ST6GALNAC5: variants seen among roughly 807,000 people sequenced by gnomAD.
The protein encoded by ST6GALNAC5 is ST6 N-acetylgalactosaminide alpha-2,6-sialyltransferase 5.
ST6GALNAC5 carries 27 observed loss-of-function variants against 33.6 expected under a neutral mutation model. The ratio of observed to expected loss-of-function variants is 0.80; its 90% confidence interval spans 0.59 to 1.11. ST6GALNAC5 has a LOEUF of 1.11. Among genes scored for constraint, ST6GALNAC5 ranks in the 50% least tolerant of loss-of-function variants. The probability of loss-of-function intolerance (pLI) is 0.00; values close to 1 mark genes in which losing one functional copy is unlikely to be tolerated. For missense variants in ST6GALNAC5, 428 were observed against 454.0 expected, an observed-to-expected ratio of 0.94 and a Z score of 0.52; for synonymous variants, 194 against 171.2, an observed-to-expected ratio of 1.13 and a Z score of -1.04.
chr1:76,961,545 A>G (rs544957045), intron 2 of ST6GALNAC5, among the ~76,000 whole-genome samples: 15 of 152,276 alleles, frequency 9.9e-5, no homozygotes, highest in South Asian at 6.2e-4. Flanking sequence ...CTCCAGCATC[A>G]TCTGCTACTC....
At chr1:76,950,420 A>G (rs954932355) in intron 2 of ST6GALNAC5, among the ~76,000 whole-genome samples, 2 of 152,134 alleles carry the variant, frequency 1.3e-5, no homozygotes, top group Admixed American at 6.5e-5. Context: ...ACACGTAGAG[A>G]TGAACTAATT....
chr1:76,998,693 T>C (rs1650031581), intron 2 of ST6GALNAC5, among the ~76,000 whole-genome samples: 1 of 152,194 alleles, frequency 6.6e-6, no homozygotes, highest in South Asian at 2.1e-4. Context: ...CAGAGACTTC[T>C]GCAAAACCTG....
At chr1:76,927,973 T>C (rs566578955) in intron 2 of ST6GALNAC5, among the ~76,000 whole-genome samples, 1 of 152,286 alleles carries the variant, frequency 6.6e-6, no homozygotes, top group African/African-American at 2.4e-5. Context: ...TAGGGCCTAA[T>C]TTCAGGTTCA....
intron 2 of ST6GALNAC5, among the ~76,000 whole-genome samples, chr1:76,870,851 G>A (rs1653487085): frequency 6.6e-6 from 1 of 152,200 alleles, no homozygotes; most frequent in South Asian, 2.1e-4. Flanking sequence ...TTTTGAGGGA[G>A]TTCACGTCAC....
chr1:77,014,127 GAGA>G (rs1359969045), intron 2 of ST6GALNAC5, among the ~76,000 whole-genome samples: 2 of 152,190 alleles, frequency 1.3e-5, no homozygotes, highest in Admixed American at 1.3e-4. Flanking sequence ...AAGGGGAAGG[GAGA>G]GTGTTTTCTA....
In ST6GALNAC5 at chr1:77,063,334, C is replaced by G. The variant is rs542617213; in HGVS notation, c.*128C>G. ...TTCACTCCTCAGGAAGTACCATGGA[C>G]AGACGCCTACCAGGGGTGACAAAGC... On this transcript the variant is annotated 3_prime_UTR_variant, in exon 5 of 5. Coordinates refer to ENST00000477717, the MANE Select transcript of ST6GALNAC5 (RefSeq NM_030965.3). 2 of 777,132 alleles carry G rather than the reference C, an allele frequency of 2.6e-6. No homozygotes were observed. The highest frequency in any genetic ancestry group is 3.5e-5 in the African/African-American group (2 of 57,048). 48.1% of individuals were successfully genotyped at this position (777,132 alleles called of 1,614,324 possible). A position where few individuals can be genotyped will look rare whatever the true frequency, so the allele number is the denominator to read the frequency against.
At chr1:76,992,827 G>C (rs960460758) in intron 2 of ST6GALNAC5, among the ~76,000 whole-genome samples, 1 of 152,154 alleles carries the variant, frequency 6.6e-6, no homozygotes, top group Non-Finnish European at 1.5e-5. Context: ...CTTCTGCCTT[G>C]CTGGCTGGGC....
intron 2 of ST6GALNAC5, among the ~76,000 whole-genome samples, chr1:77,009,770 G>T (rs886430777): frequency 6.6e-6 from 1 of 152,174 alleles, no homozygotes; most frequent in Non-Finnish European, 1.5e-5. Context: ...TGTGGAAATT[G>T]AAGTGTCTTC....
intron 2 of ST6GALNAC5, among the ~76,000 whole-genome samples, chr1:76,986,710 C>T (rs12027060): frequency 0.34 from 52,316 of 151,992 alleles, 10,951 homozygotes; most frequent in Non-Finnish European, 0.45. Flanking sequence ...GACACATGCA[C>T]ACGTATGTTT....
At chr1:76,979,352 G>A (rs1267717439) in intron 2 of ST6GALNAC5, among the ~76,000 whole-genome samples, 2 of 152,014 alleles carry the variant, frequency 1.3e-5, no homozygotes, top group African/African-American at 2.4e-5. Context: ...AAAGCAACAG[G>A]TATCACACTA....
chr1:77,018,315 C>T (rs2100433112), intron 2 of ST6GALNAC5, among the ~76,000 whole-genome samples: 1 of 152,266 alleles, frequency 6.6e-6, no homozygotes, highest in East Asian at 1.9e-4. Flanking sequence ...ATCTTAACAA[C>T]AGTTAGAAAC....
intron 2 of ST6GALNAC5, among the ~76,000 whole-genome samples, chr1:76,982,633 C>A (rs1222810776): frequency 6.6e-6 from 1 of 152,108 alleles, no homozygotes; most frequent in Admixed American, 6.6e-5. Flanking sequence ...GCAAGGCAGG[C>A]CAACATTCAA....
intron 2 of ST6GALNAC5, among the ~76,000 whole-genome samples, chr1:77,042,999 T>C (rs1002666441): frequency 1.3e-5 from 2 of 152,174 alleles, no homozygotes; most frequent in Non-Finnish European, 2.9e-5. Context: ...GTGCTCTCAG[T>C]GTAGTTCTGA....
In ST6GALNAC5 at chr1:76,911,640, A is replaced by G. The variant is rs1019033410; in HGVS notation, c.261+42898A>G. Among the ~76,000 whole-genome samples, 115 of 152,280 alleles carry G rather than the reference A, an allele frequency of 7.6e-4. 3 individuals carry two copies. The highest frequency in any genetic ancestry group is 2.7e-3 in the African/African-American group (114 of 41,556). On this transcript the variant is annotated intron_variant, in intron 2 of 4. Transcript: ENST00000477717. ...TTCAGATCCTGTTATTGGTCTATTCAGAGATTCAACTTCTTCCTGGTTTAG... is the reference window on the plus strand; with the variant it reads ...TTCAGATCCTGTTATTGGTCTATTCGGAGATTCAACTTCTTCCTGGTTTAG...
intron 2 of ST6GALNAC5, among the ~76,000 whole-genome samples, chr1:76,921,541 A>G (rs2100297383): frequency 6.6e-6 from 1 of 152,316 alleles, no homozygotes; most frequent in South Asian, 2.1e-4. Context: ...CAAATTCTGC[A>G]GCCATTACAT....
At chr1:76,965,464 T>G (rs1159059490) in intron 2 of ST6GALNAC5, among the ~76,000 whole-genome samples, 1 of 152,214 alleles carries the variant, frequency 6.6e-6, no homozygotes, top group African/African-American at 2.4e-5. Context: ...GGTTGTTTTC[T>G]TCTTCTAAAT....
At chr1:76,982,826 C>G (rs1649313194) in intron 2 of ST6GALNAC5, among the ~76,000 whole-genome samples, 1 of 152,076 alleles carries the variant, frequency 6.6e-6, no homozygotes, top group Admixed American at 6.5e-5. Context: ...AGCGGAAAGC[C>G]TAAAAGCCAG....
chr1:76,984,124 A>G (rs966640051), intron 2 of ST6GALNAC5, among the ~76,000 whole-genome samples: 8 of 152,220 alleles, frequency 5.3e-5, no homozygotes, highest in African/African-American at 1.9e-4. Context: ...GAGCAAACAA[A>G]TTAAAATGCT....
At chr1:76,917,241 C>T (rs1241323935) in intron 2 of ST6GALNAC5, among the ~76,000 whole-genome samples, 1 of 152,054 alleles carries the variant, frequency 6.6e-6, no homozygotes, top group Admixed American at 6.6e-5. Flanking sequence ...CTAGAATGAG[C>T]ACTACAGTTA....
Sources: gnomAD v4.1 joint callset for allele counts (sites outside exome capture counted in the v4.1 genomes callset) on GRCh38, gnomAD v4.1.1 for gene constraint, MANE v1.5 for transcripts, NCBI Gene and HGNC (gene_info 2026-07-23, HGNC 2026-07-21) for gene names.